The following PARG variants were observed in gnomAD, a reference collection of about 807,000 sequenced individuals.
PARG encodes poly(ADP-ribose) glycohydrolase.
Under a neutral mutation model 113.0 loss-of-function variants are expected in PARG, and 35 were observed. The observed-to-expected ratio is 0.31, with a 90% CI of 0.24 to 0.41. PARG has a LOEUF of 0.41. PARG is among the 10% of genes least tolerant of loss of function. The probability of loss-of-function intolerance (pLI) is 1.00; values close to 1 mark genes in which losing one functional copy is unlikely to be tolerated. For synonymous variants in PARG, 330 were observed against 409.9 expected, an observed-to-expected ratio of 0.81 and a Z score of 2.36; for missense variants, 797 against 1,169.4, an observed-to-expected ratio of 0.68 and a Z score of 4.64.
chr10:49,933,164 G>A lies in PARG; in HGVS notation c.1271+13C>T, dbSNP rs1224246559. 2 of 1,545,968 alleles carry A rather than the reference G, an allele frequency of 1.3e-6. No individual in the cohort carries two copies. The highest frequency in any genetic ancestry group is 3.7e-5 in the Admixed American group (2 of 53,712). On this transcript the variant is annotated intron_variant, in intron 3 of 17. Transcript: ENST00000616448. ...ATTATGCTATTGGAGAGATACTGCT[G>A]AGAGAAAATTACCTTCTGTCCTCTG... is the stretch of plus-strand genomic sequence containing the variant.
chr10:49,822,622 T>C (rs1157819765), intron 16 of PARG, among the ~76,000 whole-genome samples: 2 of 152,186 alleles, frequency 1.3e-5, no homozygotes, highest in African/African-American at 2.4e-5. Flanking sequence ...GCAAGAATCA[T>C]TAACAGATGC....
rs1838600656 is a variant in PARG at position 49,933,659 on chromosome 10, C to A, written c.789G>T (p.Leu263Phe). Residue 263 changes from leucine (L) to phenylalanine (F), a missense_variant, in exon 3 of 18, where the codon TTG becomes TTT. Leu to Phe is a conservative substitution (Grantham distance 22, BLOSUM62 0). Coordinates refer to ENST00000616448, the MANE Select transcript of PARG (RefSeq NM_003631.5). ...DEIDVVPESP[L>F]SDVGSEDVGT... ...CAACATCCTCAGAGCCAACATCTGA[C>A]AATGGACTCTCTGGCACCACATCTA... 10 of 1,609,954 alleles carry A rather than the reference C, an allele frequency of 6.2e-6. No homozygotes were observed. The Admixed American group carries it at 8.3e-5, about 13-fold the overall frequency.
At chr10:49,862,965 G>A (rs1554836222) in intron 11 of PARG, among the ~76,000 whole-genome samples, 1 of 147,312 alleles carries the variant, frequency 6.8e-6, no homozygotes, top group Admixed American at 6.8e-5. Flanking sequence ...ACTTCAGAAT[G>A]GGAATTCCAT....
chr10:49,847,918 G>A (rs1436734754), intron 13 of PARG, among the ~76,000 whole-genome samples: 1 of 146,456 alleles, frequency 6.8e-6, no homozygotes, highest in Non-Finnish European at 1.5e-5. Flanking sequence ...TGGTGAATCT[G>A]AGTAAAGAGT....
chr10:49,917,488 C>CAAAAAAAAAAAAAAAAAA (rs71026277), intron 6 of PARG, among the ~76,000 whole-genome samples: 1 of 47,652 alleles, frequency 2.1e-5, no homozygotes, highest in Admixed American at 2.1e-4. Flanking sequence ...GACTCCGTCT[C>CAAAAAAAAAAAAAAAAAA]AAAAAAAAAA....
At chr10:49,825,995 CAAATCTGA>C (rs1467687008) in intron 16 of PARG, among the ~76,000 whole-genome samples, 1 of 152,242 alleles carries the variant, frequency 6.6e-6, no homozygotes, top group African/African-American at 2.4e-5. Flanking sequence ...TTGAGCATCT[CAAATCTGA>C]AAATCTGAAA....
chr10:49,937,855 G>A (rs1202089572), intron 1 of PARG, among the ~76,000 whole-genome samples: 12 of 152,192 alleles, frequency 7.9e-5, no homozygotes, highest in South Asian at 4.1e-4. Context: ...ACATTGATCA[G>A]TCCTTCTTAG....
chr10:49,889,776 A>C (rs1847679194), intron 7 of PARG, among the ~76,000 whole-genome samples: 2 of 152,222 alleles, frequency 1.3e-5, no homozygotes, highest in African/African-American at 2.4e-5. Context: ...TCTGCTGACA[A>C]GCTTTACAAT....
chr10:49,911,375 C>G (rs192390212), intron 7 of PARG, among the ~76,000 whole-genome samples: 108 of 151,696 alleles, frequency 7.1e-4, no homozygotes, highest in Middle Eastern at 3.4e-3. Flanking sequence ...GTTCAACTTT[C>G]CAGTGAAAAA....
chr10:49,880,885 T>TATA lies in PARG; in HGVS notation c.1831-1056_1831-1055insTAT, dbSNP rs541344572. The stretch of plus-strand genomic sequence containing the variant: ...AGCAGACCTTGAAAGAATTGAAGTA[T>TATA]TTTACCCCAAAATATATTTCTTTGA... On this transcript the variant is annotated intron_variant, in intron 8 of 17. Coordinates refer to ENST00000616448, the MANE Select transcript of PARG (RefSeq NM_003631.5). Among the ~76,000 whole-genome samples, 9 of 152,314 alleles carry TATA rather than the reference T, an allele frequency of 5.9e-5. No individual in the cohort carries two copies. In the South Asian group the frequency reaches 1.9e-3, roughly 32 times the overall value.
At position 49,925,952 on chromosome 10, in the gene PARG, T is replaced by C. The variant is rs574328884; in HGVS notation, c.1456-3283A>G. Among the ~76,000 whole-genome samples, 2 of 152,244 alleles carry C rather than the reference T, an allele frequency of 1.3e-5. 1 individual carries two copies. Among genetic ancestry groups the C allele is most frequent in the Non-Finnish European group, 2.9e-5 (2 of 68,042 alleles). On this transcript the variant is annotated intron_variant, in intron 4 of 17. Coordinates refer to ENST00000616448, the MANE Select transcript of PARG (RefSeq NM_003631.5). Reference sequence around the variant, plus strand: ...AAAGGGGCACAAGAGCCTTTATTCCTGATGCAAGTCCTGCCCCTGTACCCT... The same window carrying C: ...AAAGGGGCACAAGAGCCTTTATTCCCGATGCAAGTCCTGCCCCTGTACCCT...
chr10:49,920,194 C>A (rs2132875595), intron 6 of PARG, among the ~76,000 whole-genome samples: 1 of 151,768 alleles, frequency 6.6e-6, no homozygotes, highest in Admixed American at 6.6e-5. Flanking sequence ...CCAGCCAGCA[C>A]CTTGGGAGGC....
chr10:49,887,304 T>A (rs1847542675), intron 7 of PARG, among the ~76,000 whole-genome samples: 2 of 152,162 alleles, frequency 1.3e-5, no homozygotes, highest in South Asian at 4.1e-4. Flanking sequence ...ACATTTCACA[T>A]TACTATAACA....
chr10:49,881,090 T>C (rs1554839390), intron 8 of PARG, among the ~76,000 whole-genome samples: 1 of 152,200 alleles, frequency 6.6e-6, no homozygotes, highest in African/African-American at 2.4e-5. Context: ...CAAACCCTTA[T>C]CTTAACCCAG....
At chr10:49,850,359 T>A (rs1337996979) in intron 13 of PARG, among the ~76,000 whole-genome samples, 1 of 149,016 alleles carries the variant, frequency 6.7e-6, no homozygotes, top group Non-Finnish European at 1.5e-5. Context: ...GGGTTCTTAA[T>A]AATTCTTATT....
intron 13 of PARG, among the ~76,000 whole-genome samples, chr10:49,853,543 G>A (rs1276029641): frequency 1.3e-5 from 2 of 151,944 alleles, no homozygotes; most frequent in African/African-American, 4.8e-5. Context: ...TACTTCCCAC[G>A]TGCATCCATG....
At chr10:49,931,726 A>G (rs1838491244) in intron 4 of PARG, among the ~76,000 whole-genome samples, 1 of 149,730 alleles carries the variant, frequency 6.7e-6, no homozygotes, top group Non-Finnish European at 1.5e-5. Flanking sequence ...GCACAGCTGG[A>G]TAATGATTTA....
chr10:49,928,074 T>C (rs1364723200), intron 4 of PARG, among the ~76,000 whole-genome samples: 1 of 149,558 alleles, frequency 6.7e-6, no homozygotes, highest in Non-Finnish European at 1.5e-5. Flanking sequence ...AGTTTAAGAG[T>C]AGCCTAGCCA....
intron 8 of PARG, among the ~76,000 whole-genome samples, chr10:49,880,620 C>A (rs1291371391): frequency 6.6e-6 from 1 of 152,124 alleles, no homozygotes; most frequent in Non-Finnish European, 1.5e-5. Flanking sequence ...GACCCCCAAC[C>A]AACTGAATGA....
Sources: gnomAD v4.1 joint callset for allele counts (sites outside exome capture counted in the v4.1 genomes callset) on GRCh38, gnomAD v4.1.1 for gene constraint, MANE v1.5 for transcripts, NCBI Gene and HGNC (gene_info 2026-07-23, HGNC 2026-07-21) for gene names.